The following CD99L2 variants were observed in gnomAD, a reference collection of about 807,000 sequenced individuals.
The protein encoded by CD99L2 is CD99 antigen-like protein 2.
CD99L2 carries 24 observed loss-of-function variants against 27.3 expected under a neutral mutation model. The ratio of observed to expected loss-of-function variants is 0.88; its 90% CI spans 0.64 to 1.24. The LOEUF is 1.24. CD99L2 is among the 50% of genes most tolerant of loss of function. The pLI is 0.00. For missense variants in CD99L2, 255 were observed against 221.6 expected (o/e 1.15, Z -0.96); for synonymous variants, 97 against 87.9 (o/e 1.10, Z -0.58).
chrX:150,800,118 C>A (rs1476304959), intron 4 of CD99L2, among the ~76,000 whole-genome samples: 1 of 112,310 alleles, frequency 8.9e-6, no homozygotes, highest in Non-Finnish European at 1.9e-5. Context: ...GTGAAATAAA[C>A]CAGACACAAA....
At chrX:150,805,128 C>T (rs1386549591) in intron 4 of CD99L2, among the ~76,000 whole-genome samples, 1 of 111,847 alleles carries the variant, frequency 8.9e-6, no homozygotes, top group East Asian at 2.8e-4. Context: ...GCGGAGGTTG[C>T]AGTGACCTGA....
At chrX:150,837,819 T>C (rs1202645032) in intron 1 of CD99L2, among the ~76,000 whole-genome samples, 1 of 112,132 alleles carries the variant, frequency 8.9e-6, no homozygotes, top group Non-Finnish European at 1.9e-5. Context: ...TACAGAATAA[T>C]TCAAATTCAT....
Position 150,810,275 on chromosome X carries a change from T to C in CD99L2, c.277+4587A>G, listed in dbSNP as rs1318887931. ...AGAAAGTGTGCTCTCCAATCATAAT[T>C]GGAAATCAATGACAGAAATAAATTA... On this transcript the variant is annotated intron_variant, in intron 4 of 10. Coordinates refer to ENST00000370377, the MANE Select transcript of CD99L2 (RefSeq NM_031462.4). Among the ~76,000 whole-genome samples the C allele has an allele frequency of 4.5e-5, 5 of 111,977 alleles. No homozygotes were observed. The South Asian group carries it at 1.5e-3, about 33-fold the overall frequency.
At chrX:150,813,428 A>G (rs2046102485) in intron 4 of CD99L2, among the ~76,000 whole-genome samples, 1 of 111,861 alleles carries the variant, frequency 8.9e-6, no homozygotes, top group Non-Finnish European at 1.9e-5. Context: ...TAAATTTTAA[A>G]AAGTAGGTAA....
intron 1 of CD99L2, among the ~76,000 whole-genome samples, chrX:150,886,957 A>T (rs782174420): frequency 9.0e-6 from 1 of 110,811 alleles, no homozygotes; most frequent in Admixed American, 9.6e-5. Context: ...ACTTGAGCCC[A>T]GGAGTTTGAG....
At chrX:150,870,995 C>G (rs1220159973) in intron 1 of CD99L2, among the ~76,000 whole-genome samples, 1 of 112,129 alleles carries the variant, frequency 8.9e-6, no homozygotes, top group South Asian at 3.6e-4. Context: ...AATCCCTATG[C>G]CTCCCACACA....
intron 1 of CD99L2, among the ~76,000 whole-genome samples, chrX:150,846,849 TAAC>T (rs1557421475): frequency 8.9e-6 from 1 of 112,229 alleles, no homozygotes. Flanking sequence ...TGTTGACTAA[TAAC>T]AAATGCACAT....
chrX:150,862,811 C>T (rs1046988215), intron 1 of CD99L2, among the ~76,000 whole-genome samples: 4 of 92,172 alleles, frequency 4.3e-5, no homozygotes, highest in South Asian at 5.1e-4. Flanking sequence ...AAACCAGGTG[C>T]GAAAGAAAGA....
At position 150,861,141 on chromosome X, in the gene CD99L2, C is replaced by CAAAAAAAAAAAAAA. The variant is rs782255590; in HGVS notation, c.68-29862_68-29849dup. Among the ~76,000 whole-genome samples, 294 of 40,879 alleles carry CAAAAAAAAAAAAAA rather than the reference C, an allele frequency of 7.2e-3. 19 individuals are homozygous for CAAAAAAAAAAAAAA. The highest frequency in any genetic ancestry group is 0.011 in the African/African-American group (129 of 11,346). 35.5% of individuals were successfully genotyped at this position (40,879 alleles called of 115,157 possible). On this transcript the variant is annotated intron_variant, in intron 1 of 10. Coordinates refer to ENST00000370377, the MANE Select transcript of CD99L2 (RefSeq NM_031462.4). ...TGGGTGACAGAGTGAGACTCTGTCTCAAAAAAAAAAAAAAAAAAGAGTATC... is the reference window on the plus strand; with the variant it reads ...TGGGTGACAGAGTGAGACTCTGTCTCAAAAAAAAAAAAAAAAAAAAAAAAAAAAAAAAGAGTATC...
chrX:150,886,408 G>C (rs1367497094), intron 1 of CD99L2, among the ~76,000 whole-genome samples: 2 of 112,234 alleles, frequency 1.8e-5, no homozygotes, highest in Non-Finnish European at 3.8e-5. Context: ...TCTATGTTTA[G>C]ATGCATGAAT....
At chrX:150,867,842 G>A (rs1458716081) in intron 1 of CD99L2, among the ~76,000 whole-genome samples, 10 of 91,263 alleles carry the variant, frequency 1.1e-4, no homozygotes, top group Non-Finnish European at 1.7e-4. Context: ...GTAGTGAGCC[G>A]AGATCGTGCC....
intron 4 of CD99L2, among the ~76,000 whole-genome samples, chrX:150,801,405 T>C (rs2045904279): frequency 9.0e-6 from 1 of 111,724 alleles, no homozygotes; most frequent in Admixed American, 9.5e-5. Flanking sequence ...CTTCACAAGG[T>C]GGCAGGAGAG....
intron 2 of CD99L2, among the ~76,000 whole-genome samples, chrX:150,825,015 C>T (rs1277624586): frequency 1.8e-5 from 2 of 112,063 alleles, no homozygotes; most frequent in Non-Finnish European, 3.8e-5. Context: ...AACCTGTAGT[C>T]ATTATGCATG....
chrX:150,896,017 C>A (rs782131177), intron 1 of CD99L2, among the ~76,000 whole-genome samples: 1 of 89,418 alleles, frequency 1.1e-5, no homozygotes, highest in East Asian at 3.4e-4. Context: ...CATAGCAAGA[C>A]TCTGTTTCCA....
intron 1 of CD99L2, among the ~76,000 whole-genome samples, chrX:150,865,100 G>T (rs2047039887): frequency 9.1e-6 from 1 of 109,899 alleles, no homozygotes; most frequent in Non-Finnish European, 1.9e-5. Flanking sequence ...TTACATATGT[G>T]TATTTCACCA....
At chrX:150,789,837 T>A (rs1254751296) in intron 7 of CD99L2, among the ~76,000 whole-genome samples, 9 of 112,149 alleles carry the variant, frequency 8.0e-5, no homozygotes, top group African/African-American at 2.9e-4. Context: ...GTGAACTGTG[T>A]TTGCATTACT....
At chrX:150,804,716 G>T (rs1300335328) in intron 4 of CD99L2, among the ~76,000 whole-genome samples, 1 of 112,237 alleles carries the variant, frequency 8.9e-6, no homozygotes, top group Non-Finnish European at 1.9e-5. Context: ...GAAAAAGAGA[G>T]AGGACTCATT....
At chrX:150,776,389 C>T (rs1013307204) in intron 8 of CD99L2, 96 bp from the exon 9 acceptor site, 2 of 997,106 alleles carry the variant, frequency 2.0e-6, no homozygotes, top group Admixed American at 7.1e-5. Flanking sequence ...TAGCACCAAA[C>T]TACTAGACGC....
chrX:150,779,657 G>C (rs1412044147), intron 7 of CD99L2, among the ~76,000 whole-genome samples: 1 of 112,311 alleles, frequency 8.9e-6, no homozygotes. Flanking sequence ...AGATGGTATT[G>C]GTGATGAGTC....
Sources: allele counts gnomAD v4.1 joint callset (sites outside exome capture counted in the v4.1 genomes callset), GRCh38; gene constraint gnomAD v4.1.1; transcripts MANE v1.5; gene names NCBI Gene and HGNC (gene_info 2026-07-23, HGNC 2026-07-21).